The following LPP variants were observed in gnomAD, a reference collection of about 807,000 sequenced individuals.
The protein encoded by LPP is LIM domain containing preferred translocation partner in lipoma.
LPP carries 38 observed loss-of-function variants against 60.4 expected under a neutral mutation model. The ratio of observed to expected loss-of-function variants is 0.63; its 90% CI spans 0.49 to 0.83. The LOEUF is 0.83. Among genes scored for constraint, LPP ranks in the 40% least tolerant of loss-of-function variants. The probability of loss-of-function intolerance (pLI) is 0.00; values close to 1 mark genes in which losing one functional copy is unlikely to be tolerated. For synonymous variants in LPP, 328 were observed against 290.8 expected, an observed-to-expected ratio of 1.13 and a Z score of -1.30; for missense variants, 902 against 783.6, an observed-to-expected ratio of 1.15 and a Z score of -1.80.
At position 188,564,712 on chromosome 3, in the gene LPP, A is replaced by G. The variant is rs1831682001; in HGVS notation, c.429+39925A>G. Among the ~76,000 whole-genome samples the G allele has an allele frequency of 2.0e-5, 3 of 152,082 alleles. No homozygotes were observed. In the South Asian group the frequency reaches 6.2e-4, roughly 32 times the overall value. Reference sequence around the variant, plus strand: ...TCCAAAAACCCATGTCAGCAACTAGACAACCAAGCCTCATGGAGACTTGGA... The same window carrying G: ...TCCAAAAACCCATGTCAGCAACTAGGCAACCAAGCCTCATGGAGACTTGGA... On this transcript the variant is annotated intron_variant, in intron 6 of 11. Coordinates refer to ENST00000617246, the MANE Select transcript of LPP (RefSeq NM_001375462.1).
Position 188,886,126 on chromosome 3 carries a change from G to T in LPP, c.*11647G>T, listed in dbSNP as rs925205771. ...TGAGAACACATGGACACAGGAAGGG[G>T]AACATCACACTCTGGGGACTGTTGT... On this transcript the variant is annotated 3_prime_UTR_variant, in exon 12 of 12. Transcript: ENST00000617246. The T allele has an allele frequency of 1.4e-5, 2 of 145,698 alleles. No individual in the cohort carries two copies. Among genetic ancestry groups the T allele is most frequent in the Admixed American group, 1.4e-4 (2 of 14,386 alleles). 9.0% of individuals were successfully genotyped at this position (145,698 alleles called of 1,614,324 possible). A position where few individuals can be genotyped will look rare whatever the true frequency, so the allele number is the denominator to read the frequency against.
At chr3:188,825,001 G>A (rs998540218) in intron 9 of LPP, among the ~76,000 whole-genome samples, 2 of 152,116 alleles carry the variant, frequency 1.3e-5, no homozygotes, top group African/African-American at 2.4e-5. Context: ...ACGTGACCAA[G>A]AGCAGCTGCA....
chr3:188,224,018 T>G (rs1716788349), intron 1 of LPP, among the ~76,000 whole-genome samples: 1 of 152,176 alleles, frequency 6.6e-6, no homozygotes, highest in South Asian at 2.1e-4. Context: ...GCTGTTGAGG[T>G]TACTGGGAGA....
intron 2 of LPP, among the ~76,000 whole-genome samples, chr3:188,248,280 T>C (rs890899959): frequency 2.6e-5 from 4 of 152,006 alleles, no homozygotes; most frequent in Admixed American, 1.3e-4. Flanking sequence ...TTTTTTGCAT[T>C]GGGACCTGCC....
rs146232087 is a variant in LPP at position 188,790,856 on chromosome 3, C to G, written c.1410+30574C>G. Among the ~76,000 whole-genome samples, 1,103 of 151,252 alleles carry G rather than the reference C, an allele frequency of 7.3e-3. 11 individuals carry two copies. The highest frequency in any genetic ancestry group is 0.025 in the African/African-American group (1,011 of 41,200). On this transcript the variant is annotated intron_variant, in intron 9 of 11. Coordinates refer to ENST00000617246, the MANE Select transcript of LPP (RefSeq NM_001375462.1). ...AAATGTTAGCATATAGCGTAGAATT[C>G]AGCTTTTCTTATTCTAGGTAGCGAT...
chr3:188,491,101 A>G (rs960500337), intron 5 of LPP, among the ~76,000 whole-genome samples: 12 of 152,114 alleles, frequency 7.9e-5, no homozygotes, highest in African/African-American at 1.2e-4. Flanking sequence ...TAGGACTATC[A>G]TGGTCTCAGG....
At chr3:188,569,880 C>A (rs1355430715) in intron 6 of LPP, among the ~76,000 whole-genome samples, 1 of 152,014 alleles carries the variant, frequency 6.6e-6, no homozygotes, top group Admixed American at 6.6e-5. Flanking sequence ...TTTACAGAGT[C>A]ATGCAATCAT....
rs79902120 is a variant in LPP at position 188,528,506 on chromosome 3, T to G, written c.429+3719T>G. Among the ~76,000 whole-genome samples, 1,023 of 152,346 alleles carry G rather than the reference T, an allele frequency of 6.7e-3. 11 individuals are homozygous for G. Among genetic ancestry groups the G allele is most frequent in the African/African-American group, 0.024 (978 of 41,576 alleles). ...ATGCCTCTCATAAACCATTGCATTT[T>G]AATAGGTTTATTCTGCAGCTACGTT... On this transcript the variant is annotated intron_variant, in intron 6 of 11. Transcript: ENST00000617246.
At chr3:188,340,158 A>G (rs1762662081) in intron 2 of LPP, among the ~76,000 whole-genome samples, 1 of 152,186 alleles carries the variant, frequency 6.6e-6, no homozygotes, top group South Asian at 2.1e-4. Context: ...TGGTATCAAG[A>G]TACAGTGTTA....
chr3:188,424,567 T>C (rs1023709467), intron 4 of LPP, among the ~76,000 whole-genome samples: 1 of 152,196 alleles, frequency 6.6e-6, no homozygotes, highest in Non-Finnish European at 1.5e-5. Context: ...TTTCATGATA[T>C]TGATTCTTAT....
At chr3:188,346,279 A>ATTTTTTTTTTTT (rs1764353289) in intron 3 of LPP, among the ~76,000 whole-genome samples, 3 of 31,986 alleles carry the variant, frequency 9.4e-5, no homozygotes, top group African/African-American at 6.0e-4. Context: ...TTTTTTTTTG[A>ATTTTTTTTTTTT]GACGGAGTCT....
chr3:188,353,441 T>C (rs1012685609), intron 3 of LPP, among the ~76,000 whole-genome samples: 2 of 152,244 alleles, frequency 1.3e-5, no homozygotes, highest in Non-Finnish European at 2.9e-5. Context: ...TGTGTGATTA[T>C]TTTTCATAAA....
intron 7 of LPP, among the ~76,000 whole-genome samples, chr3:188,705,606 A>T (rs1865329904): frequency 6.6e-6 from 1 of 151,448 alleles, no homozygotes; most frequent in South Asian, 2.1e-4. Flanking sequence ...TATATATATA[A>T]TTTTTTTTAA....
At chr3:188,514,238 T>TC in intron 5 of LPP, among the ~76,000 whole-genome samples, 1 of 151,972 alleles carries the variant, frequency 6.6e-6, no homozygotes, top group East Asian at 1.9e-4. Context: ...TTGTTTTTTT[T>TC]CCCTCTCTCC....
intron 1 of LPP, among the ~76,000 whole-genome samples, chr3:188,160,416 ACTCCTGACCTCAGGTGAT>A (rs1364046644): frequency 6.7e-6 from 1 of 148,728 alleles, no homozygotes; most frequent in African/African-American, 2.5e-5. Context: ...CTGGTCTTGA[ACTCCTGACCTCAGGTGAT>A]CCGCTGGCCT....
At chr3:188,588,441 TC>T (rs1317371362) in intron 6 of LPP, among the ~76,000 whole-genome samples, 7 of 152,204 alleles carry the variant, frequency 4.6e-5, no homozygotes, top group African/African-American at 1.7e-4. Context: ...TCACAATCTG[TC>T]CTGGTCTAAT....
chr3:188,608,220 T>C (rs907102733), intron 6 of LPP, among the ~76,000 whole-genome samples: 2 of 152,200 alleles, frequency 1.3e-5, no homozygotes, highest in African/African-American at 4.8e-5. Flanking sequence ...TAAGTTCAGA[T>C]AACATGTTAC....
chr3:188,715,387 A>AC (rs1437777352), intron 8 of LPP, among the ~76,000 whole-genome samples: 45 of 133,534 alleles, frequency 3.4e-4, no homozygotes, highest in African/African-American at 1.1e-3. Flanking sequence ...AAAAAAAAAA[A>AC]AAAAAAAAAA....
chr3:188,526,534 G>T (rs1820629434), intron 6 of LPP, among the ~76,000 whole-genome samples: 1 of 152,082 alleles, frequency 6.6e-6, no homozygotes, highest in Non-Finnish European at 1.5e-5. Context: ...CAAGCGATCT[G>T]CCCGCCTTGG....
Sources: allele counts gnomAD v4.1 joint callset (sites outside exome capture counted in the v4.1 genomes callset), GRCh38; gene constraint gnomAD v4.1.1; transcripts MANE v1.5; gene names NCBI Gene and HGNC (gene_info 2026-07-23, HGNC 2026-07-21).